The following MYO3A variants were observed in gnomAD, a reference collection of about 807,000 sequenced individuals.
MYO3A encodes the protein myosin IIIA, also known as myosin-IIIa.
MYO3A carries 180 observed loss-of-function variants against 192.7 expected under a neutral mutation model. That is an observed-to-expected ratio of 0.93 (90% CI 0.83 to 1.06). MYO3A has a LOEUF of 1.06. Among genes scored for constraint, MYO3A ranks in the 50% least tolerant of loss-of-function variants. The pLI is 0.00. For synonymous variants in MYO3A, 628 were observed against 645.3 expected (o/e 0.97, Z 0.41); for missense variants, 1,896 against 1,905.0 (o/e 1.00, Z 0.09).
intron 5 of MYO3A, among the ~76,000 whole-genome samples, 200 bp from the exon 6 acceptor site, chr10:25,996,959 T>C (rs927121712): frequency 2.6e-5 from 4 of 152,202 alleles, no homozygotes; most frequent in Admixed American, 1.3e-4. Flanking sequence ...TTAAGGAGCA[T>C]GCTTTGATTC....
chr10:26,059,453 A>C (rs61849330), intron 10 of MYO3A, among the ~76,000 whole-genome samples: 71,547 of 151,644 alleles, frequency 0.47, 17,665 homozygotes, highest in Middle Eastern at 0.58. Context: ...TGTCATTTTT[A>C]CTTTTTAGCC....
intron 20 of MYO3A, among the ~76,000 whole-genome samples, chr10:26,130,183 CA>C (rs1839450798): frequency 1.3e-5 from 2 of 152,004 alleles, no homozygotes; most frequent in South Asian, 2.1e-4. Context: ...TGGCTGACTG[CA>C]GCCTGCGCCT....
At chr10:25,993,506 A>G (rs999220338) in intron 4 of MYO3A, among the ~76,000 whole-genome samples, 5 of 151,838 alleles carry the variant, frequency 3.3e-5, no homozygotes, top group African/African-American at 9.7e-5. Flanking sequence ...TTGTGTCTCT[A>G]TCTCCTTCAG....
chr10:26,201,097 C>G (rs144641808), intron 32 of MYO3A, 168 bp from the exon 33 acceptor site: 2 of 304,728 alleles, frequency 6.6e-6, no homozygotes, highest in African/African-American at 4.4e-5. Context: ...ATTAATAAAA[C>G]TTGAGTAAAT....
chr10:26,076,058 T>G (rs994975773), intron 14 of MYO3A, among the ~76,000 whole-genome samples: 2 of 151,986 alleles, frequency 1.3e-5, no homozygotes, highest in African/African-American at 4.8e-5. Context: ...TTTCAGTTCT[T>G]TAAGAAATCA....
At chr10:26,190,024 T>C (rs567694149) in intron 31 of MYO3A, among the ~76,000 whole-genome samples, 2 of 151,644 alleles carry the variant, frequency 1.3e-5, no homozygotes, top group African/African-American at 2.4e-5. Context: ...AATTGCACCA[T>C]TGCACTCCAG....
chr10:26,198,440 A>G (rs1843521216), intron 32 of MYO3A, among the ~76,000 whole-genome samples: 1 of 152,206 alleles, frequency 6.6e-6, no homozygotes, highest in Admixed American at 6.5e-5. Flanking sequence ...ATCGAACACA[A>G]TCTTATCAGA....
chr10:26,149,659 G>A (rs1341790229), intron 23 of MYO3A, among the ~76,000 whole-genome samples: 1 of 151,510 alleles, frequency 6.6e-6, no homozygotes, highest in Non-Finnish European at 1.5e-5. Context: ...TGTGTTTATT[G>A]TATACAAATG....
At chr10:26,058,618 A>G (rs1417995223) in intron 10 of MYO3A, among the ~76,000 whole-genome samples, 1 of 152,238 alleles carries the variant, frequency 6.6e-6, no homozygotes, top group Non-Finnish European at 1.5e-5. Flanking sequence ...GTAGCTTTAT[A>G]GGAAGTCTTG....
intron 4 of MYO3A, among the ~76,000 whole-genome samples, chr10:25,956,108 C>A (rs1004907668): frequency 1.3e-5 from 2 of 152,052 alleles, no homozygotes; most frequent in Non-Finnish European, 2.9e-5. Context: ...GGCAAGAGAG[C>A]CCAACACTGT....
chr10:26,135,112 C>T (rs1432027730), intron 20 of MYO3A, among the ~76,000 whole-genome samples: 2 of 152,038 alleles, frequency 1.3e-5, no homozygotes, highest in Non-Finnish European at 2.9e-5. Flanking sequence ...CTGTGATTTG[C>T]CCAAGGTTAT....
At chr10:26,033,331 G>A (rs1332271584) in intron 10 of MYO3A, among the ~76,000 whole-genome samples, 4 of 151,956 alleles carry the variant, frequency 2.6e-5, no homozygotes, top group African/African-American at 9.7e-5. Flanking sequence ...CACCCGCTTC[G>A]GCCTCCCAAA....
rs531422232 is a variant in MYO3A at position 26,084,584 on chromosome 10, T to C, written c.1360-3619T>C. 1.1e-4 allele frequency among the ~76,000 whole-genome samples: 17 copies of C among 152,288 alleles called. No individual in the cohort carries two copies. In the East Asian group the frequency reaches 3.3e-3, roughly 29 times the overall value. On this transcript the variant is annotated intron_variant, in intron 14 of 34. Transcript: ENST00000642920. The stretch of plus-strand genomic sequence containing the variant: ...GTGGCATAATCACAGCTCACTGCAG[T>C]GTCTGAACTCCTGGGCTCAAGCGAC...
rs1264669872 is a variant in MYO3A at position 26,174,276 on chromosome 10, C to G, written c.4012C>G (p.Pro1338Ala). The change falls in exon 30 of 35, where the codon CCA becomes GCA. Residue 1338 changes from proline to alanine, a missense_variant. Physicochemically the swap from Pro to Ala is conservative, Grantham distance 27. Transcript: ENST00000642920. The part of the protein sequence containing the change: ...HETVKERQVE[P>A]VTQAQEEEDK... ...GACAGTCAAAGAGAGGCAAGTTGAA[C>G]CAGTGACACAGGCCCAGGAGGAAGA... 6.2e-7 allele frequency: 1 copy of G among 1,613,932 alleles called. No homozygotes were observed. Among genetic ancestry groups the G allele is most frequent in the East Asian group, 2.2e-5 (1 of 44,874 alleles).
chr10:26,058,426 G>GA (rs565655923), intron 10 of MYO3A, among the ~76,000 whole-genome samples: 11 of 152,202 alleles, frequency 7.2e-5, no homozygotes, highest in Admixed American at 7.2e-4. Context: ...TGGCAATTAT[G>GA]AAAAAAGCTG....
At chr10:26,004,861 G>A (rs1841083730) in intron 6 of MYO3A, among the ~76,000 whole-genome samples, 3 of 152,156 alleles carry the variant, frequency 2.0e-5, no homozygotes, top group South Asian at 4.2e-4. Flanking sequence ...TAAATGAATG[G>A]GGAGAAGCAA....
intron 10 of MYO3A, among the ~76,000 whole-genome samples, chr10:26,036,630 C>T (rs1223631079): frequency 6.6e-6 from 1 of 152,174 alleles, no homozygotes; most frequent in Non-Finnish European, 1.5e-5. Context: ...TCTTTAGTTT[C>T]ATTTAGGCTT....
intron 20 of MYO3A, among the ~76,000 whole-genome samples, chr10:26,137,308 GA>G (rs1045365156): frequency 2.0e-5 from 3 of 152,210 alleles, no homozygotes; most frequent in African/African-American, 7.2e-5. Flanking sequence ...CAGGGACCCT[GA>G]ATGGAGGGAC....
intron 6 of MYO3A, among the ~76,000 whole-genome samples, chr10:25,999,083 A>G (rs1402803217): frequency 6.6e-6 from 1 of 152,094 alleles, no homozygotes; most frequent in Admixed American, 6.5e-5. Flanking sequence ...ATTTTTTAAT[A>G]GAGACGGGGT....
Sources: gnomAD v4.1 joint callset for allele counts (sites outside exome capture counted in the v4.1 genomes callset) on GRCh38, gnomAD v4.1.1 for gene constraint, MANE v1.5 for transcripts, NCBI Gene and HGNC (gene_info 2026-07-23, HGNC 2026-07-21) for gene names.